MECOM: variants seen among roughly 807,000 people sequenced by gnomAD.
MECOM encodes histone-lysine N-methyltransferase MECOM.
MECOM carries 13 observed loss-of-function variants against 116.3 expected under a neutral mutation model. The ratio of observed to expected loss-of-function variants is 0.11; its 90% confidence interval spans 0.07 to 0.18. MECOM has a LOEUF of 0.18. Ranked by LOEUF, MECOM falls within the 10% of genes least tolerant of loss-of-function variation. The probability of loss-of-function intolerance (pLI) is 1.00; values close to 1 mark genes in which losing one functional copy is unlikely to be tolerated. For missense variants in MECOM, 1,299 were observed against 1,509.0 expected, an observed-to-expected ratio of 0.86 and a Z score of 2.31; for synonymous variants, 528 against 535.2, an observed-to-expected ratio of 0.99 and a Z score of 0.19.
chr3:169,200,605 C>T (rs956098091), intron 2 of MECOM, among the ~76,000 whole-genome samples: 1 of 151,958 alleles, frequency 6.6e-6, no homozygotes, highest in African/African-American at 2.4e-5. Context: ...AAAATGAAAG[C>T]GATCTTAGTT....
intron 2 of MECOM, among the ~76,000 whole-genome samples, chr3:169,178,107 T>C (rs74702963): frequency 0.074 from 11,262 of 152,090 alleles, 613 homozygotes; most frequent in East Asian, 0.29. Flanking sequence ...GCAATCAGCA[T>C]AGTGCCTGAC....
chr3:169,208,632 TAACAAGGG>T (rs1750279158), intron 2 of MECOM, among the ~76,000 whole-genome samples: 1 of 152,042 alleles, frequency 6.6e-6, no homozygotes, highest in African/African-American at 2.4e-5. Flanking sequence ...CTGTGTTAGC[TAACAAGGG>T]ATGTGAAGGA....
chr3:169,087,166 A>C (rs1458283069), intron 16 of MECOM, among the ~76,000 whole-genome samples: 4 of 152,172 alleles, frequency 2.6e-5, no homozygotes, highest in Non-Finnish European at 5.9e-5. Flanking sequence ...ATGTATTATA[A>C]TTATATCCCT....
chr3:169,625,358 A>G (rs1771240300), intron 1 of MECOM, among the ~76,000 whole-genome samples: 2 of 151,976 alleles, frequency 1.3e-5, no homozygotes, highest in Admixed American at 1.3e-4. Flanking sequence ...CCCTCTTCTC[A>G]CTCTCATTCC....
chr3:169,120,872 G>A, intron 7 of MECOM, 184 bp downstream of exon 7: 1 of 522,978 alleles, frequency 1.9e-6, no homozygotes, highest in Non-Finnish European at 3.0e-6. Flanking sequence ...AGGAATCAAG[G>A]ACAAAATACC....
chr3:169,388,061 A>C (rs1733656549), intron 1 of MECOM, among the ~76,000 whole-genome samples: 1 of 151,966 alleles, frequency 6.6e-6, no homozygotes, highest in African/African-American at 2.4e-5. Context: ...GAAGGATTAC[A>C]CGTGGCTGAG....
Position 169,134,041 on chromosome 3 carries a change from C to A in MECOM, c.511-2510G>T, listed in dbSNP as rs1735593628. On this transcript the variant is annotated intron_variant, in intron 3 of 16. Coordinates refer to ENST00000651503, the MANE Select transcript of MECOM (RefSeq NM_004991.4). ...AAATAGTGAGGTTAAAGAGACAATA[C>A]CCTACAAGACAGTAAAACAGTGCAA... The A allele has an allele frequency of 1.6e-5, 14 of 900,560 alleles. No individual in the cohort carries two copies. In the East Asian group the frequency reaches 3.1e-4, roughly 20 times the overall value. The allele number at this position is 900,560 out of a possible 1,614,324, so 55.8% of individuals were successfully genotyped here.
chr3:169,453,464 C>G (rs1745943196), intron 1 of MECOM, among the ~76,000 whole-genome samples: 1 of 152,232 alleles, frequency 6.6e-6, no homozygotes, highest in East Asian at 1.9e-4. Context: ...TCTCCCGCCA[C>G]AGCCTTCGCA....
rs117989986 is a variant in MECOM, at chr3:169,645,287, G to T, written c.37+18049C>A. Among the ~76,000 whole-genome samples the T allele has an allele frequency of 3.8e-4, 50 of 130,012 alleles. No individual in the cohort carries two copies. The East Asian group carries it at 0.011, about 28-fold the overall frequency. The allele number at this position is 130,012 out of a possible 152,430, so 85.3% of individuals were successfully genotyped here. A position where few individuals can be genotyped will look rare whatever the true frequency, so the allele number is the denominator to read the frequency against. On this transcript the variant is annotated intron_variant, in intron 1 of 16. Coordinates refer to ENST00000651503, the MANE Select transcript of MECOM (RefSeq NM_004991.4). The stretch of plus-strand genomic sequence containing the variant: ...ATATCCTGCTTTTTAACATTTCTGA[G>T]TAGACAGATGTATTTTTTTTTTCTG...
intron 3 of MECOM, among the ~76,000 whole-genome samples, chr3:169,138,337 T>C (rs370449182): frequency 1.3e-5 from 2 of 152,164 alleles, no homozygotes; most frequent in African/African-American, 4.8e-5. Flanking sequence ...CCTAGCGTTA[T>C]GTCAGTGTTG....
chr3:169,124,913 A>G (rs1732321979), intron 5 of MECOM, among the ~76,000 whole-genome samples: 1 of 152,100 alleles, frequency 6.6e-6, no homozygotes, highest in Non-Finnish European at 1.5e-5. Context: ...ACCTTTGTGC[A>G]CCTAGAATAA....
intron 7 of MECOM, 110 bp downstream of exon 7, chr3:169,120,946 T>G: frequency 2.7e-6 from 3 of 1,122,446 alleles, no homozygotes; most frequent in Non-Finnish European, 3.7e-6. Context: ...GGACCATAAA[T>G]AGCTAACACG....
intron 2 of MECOM, among the ~76,000 whole-genome samples, chr3:169,170,194 C>T (rs1374365171): frequency 1.3e-5 from 2 of 151,868 alleles, no homozygotes; most frequent in Non-Finnish European, 1.5e-5. Context: ...GGGTGGATCA[C>T]GAGGTCAAGA....
intron 7 of MECOM, chr3:169,120,768 T>C (rs944935347): frequency 1.3e-5 from 3 of 234,354 alleles, no homozygotes; most frequent in Non-Finnish European, 2.5e-5. Context: ...ATTGTCCTGA[T>C]TAAATCCTAC....
At chr3:169,595,592 T>C (rs772671218) in intron 1 of MECOM, among the ~76,000 whole-genome samples, 4 of 152,188 alleles carry the variant, frequency 2.6e-5, no homozygotes, top group Non-Finnish European at 5.9e-5. Context: ...CTTCTTATAA[T>C]ACAATTTAAT....
At chr3:169,638,949 T>C (rs185970081) in intron 1 of MECOM, among the ~76,000 whole-genome samples, 2 of 152,208 alleles carry the variant, frequency 1.3e-5, no homozygotes, top group African/African-American at 4.8e-5. Context: ...GTGTCATTTC[T>C]GAGCTAAAGT....
intron 1 of MECOM, among the ~76,000 whole-genome samples, chr3:169,605,488 A>G (rs1768409996): frequency 6.6e-6 from 1 of 152,252 alleles, no homozygotes; most frequent in African/African-American, 2.4e-5. Flanking sequence ...CACAGAAATG[A>G]GTAACAGTAA....
chr3:169,223,995 T>C (rs1752428808), intron 2 of MECOM, among the ~76,000 whole-genome samples: 1 of 147,034 alleles, frequency 6.8e-6, no homozygotes, highest in Non-Finnish European at 1.5e-5. Flanking sequence ...AAAGGAAGAG[T>C]GCTTCAGAAT....
At chr3:169,314,520 ACTGATTTTCATTGT>A (rs1719386508) in intron 2 of MECOM, among the ~76,000 whole-genome samples, 1 of 152,250 alleles carries the variant, frequency 6.6e-6, no homozygotes, top group Admixed American at 6.5e-5. Flanking sequence ...CAATTTTTAC[ACTGATTTTCATTGT>A]CTTAGTAATT....
Sources: gnomAD v4.1 joint callset for allele counts (sites outside exome capture counted in the v4.1 genomes callset) on GRCh38, gnomAD v4.1.1 for gene constraint, MANE v1.5 for transcripts, NCBI Gene and HGNC (gene_info 2026-07-23, HGNC 2026-07-21) for gene names.